Variants in PIP4K2A observed in about 807,000 individuals in gnomAD.
The protein encoded by PIP4K2A is phosphatidylinositol-5-phosphate 4-kinase type 2 alpha.
A neutral mutation model predicts 42.9 loss-of-function variants in PIP4K2A; 14 were observed. That is an observed-to-expected ratio of 0.33 (90% confidence interval 0.22 to 0.51). The LOEUF (loss-of-function observed/expected upper bound fraction) is 0.51. Ranked by LOEUF, PIP4K2A falls within the 20% of genes least tolerant of loss-of-function variation. The pLI, the probability that PIP4K2A is intolerant of heterozygous loss-of-function variation, is 0.97. For synonymous variants in PIP4K2A, 192 were observed against 192.2 expected (o/e 1.00, Z 0.01); for missense variants, 434 against 519.8 (o/e 0.83, Z 1.61).
Position 22,536,694 on chromosome 10 carries a change from T to C in PIP4K2A, c.*507A>G, listed in dbSNP as rs1288645934. ...TTATTATCTTCATTATTCTGAATACTGTCTCACATCTTTCAACTCCAAAAA... is the reference window on the plus strand; with the variant it reads ...TTATTATCTTCATTATTCTGAATACCGTCTCACATCTTTCAACTCCAAAAA... On this transcript the variant is annotated 3_prime_UTR_variant, in exon 10 of 10. Coordinates refer to ENST00000376573, the MANE Select transcript of PIP4K2A (RefSeq NM_005028.5). 1 of 115,686 alleles carries C rather than the reference T, an allele frequency of 8.6e-6. No individual in the cohort carries two copies. The highest frequency in any genetic ancestry group is 1.8e-5 in the Non-Finnish European group (1 of 55,482). 7.2% of individuals were successfully genotyped at this position (115,686 alleles called of 1,614,324 possible).
chr10:22,694,846 T>A (rs1453217692), intron 1 of PIP4K2A, among the ~76,000 whole-genome samples: 1 of 152,222 alleles, frequency 6.6e-6, no homozygotes, highest in Admixed American at 6.5e-5. Context: ...CAACCCTCTT[T>A]ATCCTTAACA....
chr10:22,573,843 A>T (rs1837047359), intron 4 of PIP4K2A, among the ~76,000 whole-genome samples: 1 of 152,254 alleles, frequency 6.6e-6, no homozygotes. Context: ...GCTGAGGCAG[A>T]GCAACCTGGC....
At chr10:22,584,593 C>A (rs1837350244) in intron 4 of PIP4K2A, among the ~76,000 whole-genome samples, 1 of 152,114 alleles carries the variant, frequency 6.6e-6, no homozygotes, top group Non-Finnish European at 1.5e-5. Context: ...TGCCGGGCAG[C>A]TCCCCATGAA....
intron 6 of PIP4K2A, among the ~76,000 whole-genome samples, chr10:22,555,274 T>C (rs1836508516): frequency 6.6e-6 from 1 of 152,188 alleles, no homozygotes; most frequent in African/African-American, 2.4e-5. Context: ...TATGTGACTC[T>C]GGCAAGTTAA....
intron 4 of PIP4K2A, among the ~76,000 whole-genome samples, chr10:22,586,201 G>A (rs1647855362): frequency 6.6e-6 from 1 of 152,200 alleles, no homozygotes; most frequent in Admixed American, 6.5e-5. Context: ...CAAAATTTAT[G>A]AAAGTTTGCT....
At chr10:22,537,517 G>A (rs1220276106) in intron 9 of PIP4K2A, among the ~76,000 whole-genome samples, 1 of 152,112 alleles carries the variant, frequency 6.6e-6, no homozygotes, top group Non-Finnish European at 1.5e-5. Flanking sequence ...AGGAGCACCA[G>A]ATGCTACCAC....
rs534815231 is a variant in PIP4K2A at position 22,615,432 on chromosome 10, ATACT to A, written c.145-5719_145-5716del. ...TACAAAGAATTGACACTTTTCTAAG[ATACT>A]TATATTGGGAACACGCACACATATA... On this transcript the variant is annotated intron_variant, in intron 1 of 9. Transcript: ENST00000376573. Among the ~76,000 whole-genome samples the A allele has an allele frequency of 3.2e-4, 48 of 152,320 alleles. 1 individual carries two copies. The South Asian group carries it at 4.6e-3, about 14-fold the overall frequency.
intron 9 of PIP4K2A, among the ~76,000 whole-genome samples, chr10:22,538,430 A>C (rs566846212): frequency 3.8e-4 from 57 of 151,400 alleles, no homozygotes; most frequent in Non-Finnish European, 7.1e-4. Context: ...GGGAACAGAC[A>C]TTTACAAAGC....
At chr10:22,691,834 G>T (rs1839876391) in intron 1 of PIP4K2A, 1 of 152,156 alleles carries the variant, frequency 6.6e-6, no homozygotes, top group Admixed American at 6.5e-5. Flanking sequence ...TAATCAATAG[G>T]AAGAGCTGCT....
At chr10:22,623,698 A>G (rs1323321132) in intron 1 of PIP4K2A, among the ~76,000 whole-genome samples, 1 of 152,228 alleles carries the variant, frequency 6.6e-6, no homozygotes, top group East Asian at 1.9e-4. Context: ...TTTGCAGATC[A>G]TACCATCTGG....
At chr10:22,664,642 A>C (rs1348259986) in intron 1 of PIP4K2A, among the ~76,000 whole-genome samples, 1 of 152,118 alleles carries the variant, frequency 6.6e-6, no homozygotes, top group Non-Finnish European at 1.5e-5. Context: ...TTAAACAAAA[A>C]TTCTACAATC....
intron 1 of PIP4K2A, among the ~76,000 whole-genome samples, chr10:22,673,397 T>C (rs905568464): frequency 1.3e-5 from 2 of 152,214 alleles, no homozygotes; most frequent in African/African-American, 4.8e-5. Context: ...TTAATTAAAA[T>C]GACCACAACA....
intron 1 of PIP4K2A, among the ~76,000 whole-genome samples, chr10:22,672,774 C>T (rs1839480502): frequency 1.3e-5 from 2 of 152,122 alleles, no homozygotes; most frequent in South Asian, 4.2e-4. Context: ...TCACACCAAC[C>T]GTAATTTAGG....
intron 1 of PIP4K2A, among the ~76,000 whole-genome samples, chr10:22,640,830 A>G (rs1216307128): frequency 6.6e-6 from 1 of 152,224 alleles, no homozygotes; most frequent in Admixed American, 6.5e-5. Context: ...CAGTGAGATG[A>G]AAGGGAATGA....
At chr10:22,632,486 G>C (rs1238912646) in intron 1 of PIP4K2A, among the ~76,000 whole-genome samples, 1 of 152,122 alleles carries the variant, frequency 6.6e-6, no homozygotes, top group African/African-American at 2.4e-5. Flanking sequence ...TACTAAAGTT[G>C]ACAAGTTGGT....
At chr10:22,683,744 A>C (rs2032025) in intron 1 of PIP4K2A, among the ~76,000 whole-genome samples, 12,902 of 150,666 alleles carry the variant, frequency 0.086, 1,492 homozygotes, top group African/African-American at 0.27. Flanking sequence ...GTCCCTCCTG[A>C]CTGTAATTTC....
At chr10:22,547,457 C>G (rs1347673658) in intron 7 of PIP4K2A, among the ~76,000 whole-genome samples, 3 of 152,122 alleles carry the variant, frequency 2.0e-5, no homozygotes, top group Non-Finnish European at 2.9e-5. Context: ...ATTCATCAAA[C>G]TAGGGTAGGG....
At chr10:22,678,716 G>A (rs1029425884) in intron 1 of PIP4K2A, among the ~76,000 whole-genome samples, 2 of 152,018 alleles carry the variant, frequency 1.3e-5, no homozygotes, top group East Asian at 1.9e-4. Flanking sequence ...TTCCCATTCC[G>A]CCCTAGGTAA....
intron 7 of PIP4K2A, among the ~76,000 whole-genome samples, chr10:22,546,926 TCA>T (rs1315478482): frequency 1.3e-5 from 2 of 152,244 alleles, no homozygotes; most frequent in African/African-American, 4.8e-5. Context: ...TGAAGATTTT[TCA>T]GTCTTTATTT....
Sources: allele counts gnomAD v4.1 joint callset (sites outside exome capture counted in the v4.1 genomes callset), GRCh38; gene constraint gnomAD v4.1.1; transcripts MANE v1.5; gene names NCBI Gene and HGNC (gene_info 2026-07-23, HGNC 2026-07-21).